PDE4D: variants seen among roughly 807,000 people sequenced by gnomAD.
PDE4D encodes 3',5'-cyclic-AMP phosphodiesterase 4D.
PDE4D carries 24 observed loss-of-function variants against 87.4 expected under a neutral mutation model. The observed-to-expected ratio is 0.27, with a 90% CI of 0.20 to 0.39. The LOEUF (loss-of-function observed/expected upper bound fraction) is 0.39, where lower values mean the gene tolerates loss of function less well. Among genes scored for constraint, PDE4D ranks in the 10% least tolerant of loss-of-function variants. The pLI is 1.00. For missense variants in PDE4D, 714 were observed against 1,041.0 expected (o/e 0.69, Z 4.32); for synonymous variants, 384 against 383.2 (o/e 1.00, Z -0.02).
intron 5 of PDE4D, among the ~76,000 whole-genome samples, chr5:59,047,898 A>G (rs1374452560): frequency 3.3e-5 from 5 of 152,166 alleles, no homozygotes; most frequent in Non-Finnish European, 5.9e-5. Context: ...GCAGTCTGCA[A>G]CCCTGAAGAT....
At chr5:59,407,265 A>G (rs891167599) in intron 1 of PDE4D, among the ~76,000 whole-genome samples, 2 of 152,096 alleles carry the variant, frequency 1.3e-5, no homozygotes, top group Non-Finnish European at 2.9e-5. Flanking sequence ...TTGCCACGTG[A>G]GATAGCTGCT....
upstream of PDE4D, among the ~76,000 whole-genome samples, chr5:60,489,238 A>T (rs1749384718): frequency 6.6e-6 from 1 of 152,220 alleles, no homozygotes; most frequent in African/African-American, 2.4e-5. Context: ...ATTTTGTAGC[A>T]AGTGTAACAT....
At chr5:60,279,612 T>C (rs1048700706) in intron 1 of PDE4D, among the ~76,000 whole-genome samples, 2 of 152,116 alleles carry the variant, frequency 1.3e-5, no homozygotes, top group Non-Finnish European at 1.5e-5. Flanking sequence ...CCTTTAATTA[T>C]AGAAAGCATG....
At chr5:60,431,598 C>G (rs1455507589) in intron 1 of PDE4D, among the ~76,000 whole-genome samples, 2 of 147,228 alleles carry the variant, frequency 1.4e-5, no homozygotes, top group African/African-American at 5.1e-5. Context: ...AGTGGGCAGC[C>G]AGGCAGAGGG....
intron 1 of PDE4D, among the ~76,000 whole-genome samples, chr5:60,474,783 C>CA (rs1360395144): frequency 2.0e-5 from 3 of 152,090 alleles, no homozygotes; most frequent in African/African-American, 4.8e-5. Flanking sequence ...ACCTTACCCC[C>CA]AACAATGTTC....
chr5:58,985,355 G>C (rs921672334), intron 11 of PDE4D, among the ~76,000 whole-genome samples: 3 of 152,178 alleles, frequency 2.0e-5, no homozygotes, highest in Admixed American at 6.5e-5. Flanking sequence ...AGGTAGAATT[G>C]TTCTCTCTGC....
intron 1 of PDE4D, among the ~76,000 whole-genome samples, chr5:59,303,145 T>C (rs1413162726): frequency 1.3e-5 from 2 of 152,200 alleles, no homozygotes; most frequent in Admixed American, 6.5e-5. Flanking sequence ...ATTAGTGATG[T>C]TGAGCATTTT....
intron 1 of PDE4D, among the ~76,000 whole-genome samples, chr5:59,506,036 A>G (rs1809204220): frequency 1.3e-5 from 2 of 152,146 alleles, no homozygotes. Context: ...GTCAAAATAG[A>G]TATTCTGGGA....
chr5:59,574,173 A>T (rs1369394007), intron 1 of PDE4D, among the ~76,000 whole-genome samples: 9 of 99,062 alleles, frequency 9.1e-5, no homozygotes, highest in South Asian at 3.0e-4. Flanking sequence ...TATATATATA[A>T]ATATCTTCTA....
chr5:59,925,718 A>T (rs779184225), intron 3 of PDE4D, among the ~76,000 whole-genome samples: 3 of 152,236 alleles, frequency 2.0e-5, no homozygotes, highest in African/African-American at 7.2e-5. Flanking sequence ...GAATAGTTAC[A>T]GTTATATCAG....
rs139172487 is a variant in PDE4D, at chr5:59,998,474, A to G, written c.43-9757T>C. ...AAATTACCACACCAACATCTCATTT[A>G]TAAAAACAAACAAAACCAAAATGTT... On this transcript the variant is annotated intron_variant, in intron 2 of 16. Transcript: ENST00000502484. Among the ~76,000 whole-genome samples, 617 of 152,298 alleles carry G rather than the reference A, an allele frequency of 4.1e-3. 7 individuals carry two copies. Among genetic ancestry groups the G allele is most frequent in the Non-Finnish European group, 4.9e-3 (330 of 68,016 alleles).
At chr5:59,266,763 A>C (rs1762925699) in intron 1 of PDE4D, among the ~76,000 whole-genome samples, 1 of 152,060 alleles carries the variant, frequency 6.6e-6, no homozygotes, top group African/African-American at 2.4e-5. Flanking sequence ...GGAAAAGTAT[A>C]AGTAGCAGCT....
At chr5:59,042,748 G>T (rs74442271) in intron 5 of PDE4D, among the ~76,000 whole-genome samples, 1 of 152,092 alleles carries the variant, frequency 6.6e-6, no homozygotes, top group Non-Finnish European at 1.5e-5. Context: ...TGTAACACCC[G>T]CATTCTGCTG....
chr5:60,118,561 T>TTGTGTGTGTGTGTG lies in PDE4D; in HGVS notation c.42+66982_42+66995dup, dbSNP rs34503506. Among the ~76,000 whole-genome samples, 257 of 144,300 alleles carry TTGTGTGTGTGTGTG rather than the reference T, an allele frequency of 1.8e-3. 1 individual carries two copies. The highest frequency in any genetic ancestry group is 5.6e-3 in the African/African-American group (218 of 39,138). The allele number at this position is 144,300 out of a possible 152,430, so 94.7% of individuals were successfully genotyped here. A position where few individuals can be genotyped will look rare whatever the true frequency, so the allele number is the denominator to read the frequency against. ...TCCTGTTTTTCAGGATGGATGTAGG[T>TTGTGTGTGTGTGTG]TGTGTGTGTGTGTGTGTGTGTGTGT... On this transcript the variant is annotated intron_variant, in intron 2 of 16. Transcript: ENST00000502484.
In PDE4D at chr5:59,213,023, A is replaced by G. The variant is rs36089178; in HGVS notation, c.647+2754T>C. Among the ~76,000 whole-genome samples, 4 of 151,014 alleles carry G rather than the reference A, an allele frequency of 2.6e-5. No homozygotes were observed. In the South Asian group the frequency reaches 8.4e-4, roughly 32 times the overall value. ...TTCATTCATCTGGAGATGGAGGAGT[A>G]AAATGTTTAGAGAACTCATGGCTAA... On this transcript the variant is annotated intron_variant, in intron 2 of 14. Coordinates refer to ENST00000340635, the MANE Select transcript of PDE4D (RefSeq NM_001104631.2).
intron 1 of PDE4D, among the ~76,000 whole-genome samples, chr5:59,719,807 A>ACCCTT (rs1335603528): frequency 2.0e-5 from 3 of 152,234 alleles, no homozygotes; most frequent in Non-Finnish European, 2.9e-5. Context: ...ATCTGATCCA[A>ACCCTT]CCCTTCCTAA....
At chr5:59,535,159 C>T (rs924401818) in intron 1 of PDE4D, among the ~76,000 whole-genome samples, 5 of 151,730 alleles carry the variant, frequency 3.3e-5, no homozygotes, top group African/African-American at 1.2e-4. Flanking sequence ...AGTGATATCC[C>T]TGGGAGTCCG....
chr5:59,421,871 G>A (rs1383688222), intron 1 of PDE4D, among the ~76,000 whole-genome samples: 1 of 152,038 alleles, frequency 6.6e-6, no homozygotes, highest in South Asian at 2.1e-4. Flanking sequence ...GAAAAAAAAT[G>A]AATTTTACAA....
intron 1 of PDE4D, among the ~76,000 whole-genome samples, chr5:59,675,284 T>A (rs1747878140): frequency 1.3e-5 from 2 of 151,956 alleles, no homozygotes; most frequent in African/African-American, 2.4e-5. Flanking sequence ...TTAACCAACA[T>A]CCCCATCAGT....
Sources: allele counts gnomAD v4.1 joint callset (sites outside exome capture counted in the v4.1 genomes callset), GRCh38; gene constraint gnomAD v4.1.1; transcripts MANE v1.5; gene names NCBI Gene and HGNC (gene_info 2026-07-23, HGNC 2026-07-21).